TENM2: variants seen among roughly 807,000 people sequenced by gnomAD.
The protein encoded by TENM2 is teneurin transmembrane protein 2, also known as teneurin-2.
TENM2 carries 52 observed loss-of-function variants against 245.2 expected under a neutral mutation model. That is an observed-to-expected ratio of 0.21 (90% CI 0.17 to 0.27). The LOEUF is 0.27. Ranked by LOEUF, TENM2 falls within the 10% of genes least tolerant of loss-of-function variation. TENM2 has a pLI of 1.00. For synonymous variants in TENM2, 1,363 were observed against 1,438.9 expected, an observed-to-expected ratio of 0.95 and a Z score of 1.19; for missense variants, 3,046 against 3,666.8, an observed-to-expected ratio of 0.83 and a Z score of 4.37.
At chr5:168,166,593 C>A (rs1185359226) in intron 13 of TENM2, among the ~76,000 whole-genome samples, 2 of 152,168 alleles carry the variant, frequency 1.3e-5, no homozygotes, top group African/African-American at 4.8e-5. Flanking sequence ...TCCTGATTCT[C>A]TAAGTCTGGG....
chr5:167,583,225 C>T (rs1489667952), intron 2 of TENM2, among the ~76,000 whole-genome samples: 1 of 151,896 alleles, frequency 6.6e-6, no homozygotes, highest in African/African-American at 2.4e-5. Flanking sequence ...AGATCGCATG[C>T]CTTGGCTTAG....
intron 2 of TENM2, among the ~76,000 whole-genome samples, chr5:167,392,651 G>A (rs1049833980): frequency 6.6e-6 from 1 of 152,092 alleles, no homozygotes; most frequent in South Asian, 2.1e-4. Context: ...AAAATCATGT[G>A]AGGCCATATT....
rs978343470 is a variant in TENM2, at chr5:167,316,586, C to T, written c.226+31523C>T. Among the ~76,000 whole-genome samples the T allele has an allele frequency of 2.0e-4, 30 of 152,218 alleles. 1 individual carries two copies. The highest frequency in any genetic ancestry group is 2.2e-4 in the African/African-American group (9 of 41,548). On this transcript the variant is annotated intron_variant, in intron 1 of 28. Coordinates refer to ENST00000518659, the Ensembl canonical transcript of TENM2. ...ATGTTTACTTGTGCATGTGTGTATA[C>T]GCATACATATACATAGGTACAAATA...
chr5:167,377,220 TC>T, intron 2 of TENM2, among the ~76,000 whole-genome samples: 1 of 152,218 alleles, frequency 6.6e-6, no homozygotes, highest in East Asian at 1.9e-4. Context: ...TTCATTTTTT[TC>T]ATATTATTTG....
At position 167,585,003 on chromosome 5, in the gene TENM2, T is replaced by G. The variant is rs138683582; in HGVS notation, c.502+209530T>G. Among the ~76,000 whole-genome samples, 37 of 152,340 alleles carry G rather than the reference T, an allele frequency of 2.4e-4. No homozygotes were observed. The East Asian group carries it at 6.8e-3, about 28-fold the overall frequency. On this transcript the variant is annotated intron_variant, in intron 2 of 28. Transcript: ENST00000518659. ...GGCAGCATAATGTTAATTTCATCAA[T>G]AACTCTTGAATGAATGTGCAAATAT...
intron 7 of TENM2, among the ~76,000 whole-genome samples, chr5:168,071,844 A>G (rs982022470): frequency 2.6e-5 from 4 of 152,216 alleles, no homozygotes; most frequent in African/African-American, 9.6e-5. Flanking sequence ...GCCGAGCCGA[A>G]CTCACAGTGC....
chr5:167,160,309 A>G, the TENM2 span, among the ~76,000 whole-genome samples: 1 of 152,246 alleles, frequency 6.6e-6, no homozygotes, highest in East Asian at 1.9e-4. Flanking sequence ...TCTGGTCCAC[A>G]GGACGGAGGT....
chr5:168,173,948 T>A (rs1460346993), intron 13 of TENM2, among the ~76,000 whole-genome samples: 3 of 152,194 alleles, frequency 2.0e-5, no homozygotes, highest in African/African-American at 2.4e-5. Context: ...GGAACAGCAA[T>A]GCCTGTGTGG....
intron 7 of TENM2, among the ~76,000 whole-genome samples, chr5:168,067,499 G>T (rs549671317): frequency 7.9e-5 from 12 of 152,264 alleles, no homozygotes; most frequent in African/African-American, 2.6e-4. Flanking sequence ...TTCCCCTAAT[G>T]ACATTTTTTA....
chr5:167,290,071 A>G (rs1011958654), intron 1 of TENM2, among the ~76,000 whole-genome samples: 17 of 152,202 alleles, frequency 1.1e-4, no homozygotes, highest in African/African-American at 3.4e-4. Flanking sequence ...AGAATAACAC[A>G]ATGCCTTCTA....
chr5:167,542,090 G>A (rs895520768), intron 2 of TENM2, among the ~76,000 whole-genome samples: 1 of 152,110 alleles, frequency 6.6e-6, no homozygotes, highest in Admixed American at 6.6e-5. Flanking sequence ...GCCAGACATG[G>A]GGAATGACCT....
the TENM2 span, among the ~76,000 whole-genome samples, chr5:167,229,497 T>G: frequency 6.6e-6 from 1 of 152,184 alleles, no homozygotes; most frequent in South Asian, 2.1e-4. Context: ...ACCCAACTAG[T>G]CTAAGCTGAT....
At position 167,411,579 on chromosome 5, in the gene TENM2, T is replaced by A. The variant is rs886196807; in HGVS notation, c.502+36106T>A. On this transcript the variant is annotated intron_variant, in intron 2 of 28. Coordinates refer to ENST00000518659, the Ensembl canonical transcript of TENM2. Reference sequence around the variant, plus strand: ...ATGTGTATATGTAGGTGAGAGTGTGTGTGTGTGTGTGTGTGTGTGTGTGTG... The same window carrying A: ...ATGTGTATATGTAGGTGAGAGTGTGAGTGTGTGTGTGTGTGTGTGTGTGTG... Among the ~76,000 whole-genome samples the A allele has an allele frequency of 7.6e-5, 10 of 131,662 alleles. No homozygotes were observed. The South Asian group carries it at 1.6e-3, about 21-fold the overall frequency. 86.4% of individuals were successfully genotyped at this position (131,662 alleles called of 152,430 possible). A position where few individuals can be genotyped will look rare whatever the true frequency, so the allele number is the denominator to read the frequency against.
chr5:168,110,399 A>G (rs1158156436), intron 9 of TENM2, among the ~76,000 whole-genome samples: 6 of 152,200 alleles, frequency 3.9e-5, no homozygotes, highest in Non-Finnish European at 7.4e-5. Flanking sequence ...CCCTTTGGAA[A>G]CACTATGGGG....
At chr5:167,906,794 G>A (rs190207537) in intron 3 of TENM2, among the ~76,000 whole-genome samples, 4 of 151,982 alleles carry the variant, frequency 2.6e-5, no homozygotes, top group Non-Finnish European at 4.4e-5. Context: ...AATTGGCTAC[G>A]TTACATCCCT....
chr5:168,078,395 T>G (rs1025691102), intron 7 of TENM2, among the ~76,000 whole-genome samples: 1 of 152,238 alleles, frequency 6.6e-6, no homozygotes, highest in Non-Finnish European at 1.5e-5. Context: ...TTCACTCTGA[T>G]GGTAGTTTCT....
the TENM2 span, among the ~76,000 whole-genome samples, chr5:167,147,811 C>A: frequency 6.6e-6 from 1 of 152,184 alleles, no homozygotes; most frequent in Non-Finnish European, 1.5e-5. Context: ...TGACTATACA[C>A]CCTCAACCTG....
At chr5:167,907,521 CTAAATATA>C (rs1561921003) in intron 3 of TENM2, among the ~76,000 whole-genome samples, 2 of 81,506 alleles carry the variant, frequency 2.5e-5, no homozygotes, top group East Asian at 3.9e-4. Context: ...TTAGATCACC[CTAAATATA>C]TATATATATA....
chr5:168,119,663 A>C (rs1795333435), intron 10 of TENM2, among the ~76,000 whole-genome samples: 1 of 152,172 alleles, frequency 6.6e-6, no homozygotes, highest in Admixed American at 6.5e-5. Context: ...AATTGGCTTC[A>C]TCATTGTCTT....
Sources: allele counts gnomAD v4.1 joint callset (sites outside exome capture counted in the v4.1 genomes callset), GRCh38; gene constraint gnomAD v4.1.1; transcripts MANE v1.5; gene names NCBI Gene and HGNC (gene_info 2026-07-23, HGNC 2026-07-21).